Variants in SWT1 observed in about 807,000 individuals in gnomAD.
SWT1 encodes SWT1 RNA endoribonuclease homolog.
In SWT1, 33 loss-of-function variants were observed where a neutral mutation model predicts 107.3. The observed-to-expected ratio is 0.31, with a 90% CI of 0.23 to 0.41. The LOEUF is 0.41. Ranked by LOEUF, SWT1 falls within the 10% of genes least tolerant of loss-of-function variation. The pLI is 1.00. For missense variants in SWT1, 898 were observed against 1,028.9 expected (o/e 0.87, Z 1.74); for synonymous variants, 345 against 348.3 (o/e 0.99, Z 0.11).
chr1:185,175,645 A>G (rs1471370512), intron 5 of SWT1, among the ~76,000 whole-genome samples: 1 of 152,192 alleles, frequency 6.6e-6, no homozygotes, highest in East Asian at 1.9e-4. Context: ...TTAGGAAGAT[A>G]TTTTGGCAGG....
chr1:185,229,952 C>T (rs1025260860), intron 15 of SWT1, among the ~76,000 whole-genome samples: 5 of 151,986 alleles, frequency 3.3e-5, no homozygotes, highest in South Asian at 2.1e-4. Flanking sequence ...GGGGAGTAAC[C>T]GCTCAATGGA....
At chr1:185,236,248 T>G (rs1660866110) in intron 16 of SWT1, among the ~76,000 whole-genome samples, 1 of 151,708 alleles carries the variant, frequency 6.6e-6, no homozygotes, top group Non-Finnish European at 1.5e-5. Context: ...AAGACAATCC[T>G]AAGCAAAAAA....
intron 15 of SWT1, among the ~76,000 whole-genome samples, chr1:185,226,065 G>A (rs990359834): frequency 2.0e-5 from 3 of 151,988 alleles, no homozygotes; most frequent in Non-Finnish European, 4.4e-5. Flanking sequence ...AGACATTCTG[G>A]TTAGCAGAAA....
chr1:185,167,514 T>C (rs1654685920), intron 3 of SWT1, among the ~76,000 whole-genome samples: 1 of 152,238 alleles, frequency 6.6e-6, no homozygotes, highest in Non-Finnish European at 1.5e-5. Flanking sequence ...TTTACTTGTT[T>C]TCATATAATT....
chr1:185,289,157 A>C (rs1393613751), intron 18 of SWT1, among the ~76,000 whole-genome samples: 2 of 152,222 alleles, frequency 1.3e-5, no homozygotes, highest in Non-Finnish European at 2.9e-5. Context: ...ATGGACTAAT[A>C]CTGGGATTTG....
intron 13 of SWT1, among the ~76,000 whole-genome samples, chr1:185,209,201 C>T (rs1658571198): frequency 6.6e-6 from 1 of 151,922 alleles, no homozygotes; most frequent in African/African-American, 2.4e-5. Flanking sequence ...CTCCTTCGTG[C>T]TATCCTGGCT....
chr1:185,272,588 T>C (rs1663948399), intron 17 of SWT1, among the ~76,000 whole-genome samples: 1 of 152,228 alleles, frequency 6.6e-6, no homozygotes, highest in South Asian at 2.1e-4. Flanking sequence ...CTTCTACTTA[T>C]TAACTGTGTG....
chr1:185,266,058 A>G (rs1237842121), intron 16 of SWT1, among the ~76,000 whole-genome samples: 5 of 152,044 alleles, frequency 3.3e-5, no homozygotes, highest in Admixed American at 6.6e-5. Flanking sequence ...AATTTCTAGA[A>G]TTTAAATTTT....
At chr1:185,269,924 G>T (rs1404894886) in intron 16 of SWT1, among the ~76,000 whole-genome samples, 1 of 152,116 alleles carries the variant, frequency 6.6e-6, no homozygotes, top group Non-Finnish European at 1.5e-5. Context: ...CATCTACTTA[G>T]GATGTTTTCA....
At chr1:185,200,595 G>T (rs149835238) in intron 10 of SWT1, among the ~76,000 whole-genome samples, 23 of 152,318 alleles carry the variant, frequency 1.5e-4, no homozygotes, top group African/African-American at 5.5e-4. Context: ...GAACAGCAAA[G>T]ATTGCTGCCT....
chr1:185,199,897 T>G (rs974734301), intron 10 of SWT1, among the ~76,000 whole-genome samples: 16 of 152,208 alleles, frequency 1.1e-4, no homozygotes, highest in Non-Finnish European at 2.9e-5. Flanking sequence ...AATGTAGGTT[T>G]GGTCTTTTCA....
At chr1:185,168,433 T>G in intron 4 of SWT1, 35 bp downstream of exon 4, 1 of 1,322,346 alleles carries the variant, frequency 7.6e-7, no homozygotes, top group Non-Finnish European at 1.0e-6. Flanking sequence ...CTGTTTTGGT[T>G]TAGAATTATG....
chr1:185,244,198 A>G (rs1388456477), intron 16 of SWT1, among the ~76,000 whole-genome samples: 1 of 152,092 alleles, frequency 6.6e-6, no homozygotes, highest in Non-Finnish European at 1.5e-5. Context: ...TCAGCCTCCT[A>G]AAGTGCTGGG....
In SWT1 at chr1:185,222,054, A is replaced by AT. The variant is rs750854734; in HGVS notation, c.2309+27dup. The AT allele has an allele frequency of 1.6e-4, 228 of 1,438,572 alleles. No homozygotes were observed. The highest frequency in any genetic ancestry group is 2.9e-4 in the South Asian group (19 of 65,828). 89.1% of individuals were successfully genotyped at this position (1,438,572 alleles called of 1,614,324 possible). ...CAGAACAGGTACTAAATTTGGGGGA[A>AT]TTTTTTTTTAGTTATTTTTTAAATT... On this transcript the variant is annotated intron_variant, in intron 15 of 18. Coordinates refer to ENST00000367500, the MANE Select transcript of SWT1 (RefSeq NM_017673.7).
chr1:185,274,203 TA>T (rs1355233277), intron 17 of SWT1, among the ~76,000 whole-genome samples: 1 of 150,392 alleles, frequency 6.6e-6, no homozygotes, highest in Non-Finnish European at 1.5e-5. Context: ...ATTTAAAAAT[TA>T]AAAAATAAGA....
chr1:185,210,545 A>G (rs536161056), intron 13 of SWT1, among the ~76,000 whole-genome samples: 9 of 152,278 alleles, frequency 5.9e-5, no homozygotes, highest in African/African-American at 2.2e-4. Context: ...CTCAAAATAA[A>G]TAAATAGCTC....
intron 16 of SWT1, among the ~76,000 whole-genome samples, chr1:185,252,822 A>G (rs1428700681): frequency 6.6e-6 from 1 of 151,220 alleles, no homozygotes; most frequent in Non-Finnish European, 1.5e-5. Flanking sequence ...TTTTGTTGCC[A>G]TTGCTTTTGG....
intron 10 of SWT1, among the ~76,000 whole-genome samples, chr1:185,202,426 C>A: frequency 6.6e-6 from 1 of 152,016 alleles, no homozygotes; most frequent in Non-Finnish European, 1.5e-5. Context: ...ACTCCTACCT[C>A]AGAAGTTTGT....
At chr1:185,244,879 G>A (rs1392886927) in intron 16 of SWT1, among the ~76,000 whole-genome samples, 1 of 152,068 alleles carries the variant, frequency 6.6e-6, no homozygotes, top group Non-Finnish European at 1.5e-5. Flanking sequence ...CCCGGAGTTC[G>A]AGAGTAGTCT....
Sources: allele counts gnomAD v4.1 joint callset (sites outside exome capture counted in the v4.1 genomes callset), GRCh38; gene constraint gnomAD v4.1.1; transcripts MANE v1.5; gene names NCBI Gene and HGNC (gene_info 2026-07-23, HGNC 2026-07-21).